ADK: variants seen among roughly 807,000 people sequenced by gnomAD.
ADK encodes N6,N6-dimethyladenosine kinase.
A neutral mutation model predicts 44.7 loss-of-function variants in ADK; 24 were observed. The observed-to-expected ratio is 0.54, with a 90% CI of 0.39 to 0.76. The LOEUF is 0.76. ADK is among the 30% of genes least tolerant of loss of function. The pLI is 0.00. For synonymous variants in ADK, 128 were observed against 142.6 expected, an observed-to-expected ratio of 0.90 and a Z score of 0.73; for missense variants, 321 against 425.1, an observed-to-expected ratio of 0.76 and a Z score of 2.15.
At chr10:74,601,354 A>G (rs971177542) in intron 9 of ADK, among the ~76,000 whole-genome samples, 1 of 152,182 alleles carries the variant, frequency 6.6e-6, no homozygotes, top group Non-Finnish European at 1.5e-5. Context: ...TAGGCCAAAG[A>G]TGAAATTACT....
At chr10:74,520,448 A>G (rs1260329191) in intron 6 of ADK, among the ~76,000 whole-genome samples, 1 of 152,012 alleles carries the variant, frequency 6.6e-6, no homozygotes, top group African/African-American at 2.4e-5. Flanking sequence ...TGAAATTTAC[A>G]TAGTTGTGTA....
chr10:74,365,437 T>C (rs1253863936), intron 4 of ADK, among the ~76,000 whole-genome samples: 1 of 152,242 alleles, frequency 6.6e-6, no homozygotes, highest in Non-Finnish European at 1.5e-5. Flanking sequence ...GCATCCCATT[T>C]TGTTGCATAT....
intron 7 of ADK, among the ~76,000 whole-genome samples, chr10:74,586,241 A>G (rs1851521381): frequency 6.6e-6 from 1 of 152,228 alleles, no homozygotes; most frequent in African/African-American, 2.4e-5. Flanking sequence ...TTGGGGCACC[A>G]GTCCAAGATC....
At chr10:74,395,220 T>A (rs370930222) in intron 5 of ADK, among the ~76,000 whole-genome samples, 4 of 152,090 alleles carry the variant, frequency 2.6e-5, no homozygotes, top group African/African-American at 9.7e-5. Flanking sequence ...CATCTTCTCT[T>A]CCTTTCTTTT....
intron 10 of ADK, among the ~76,000 whole-genome samples, chr10:74,682,968 TC>T (rs1300148621): frequency 6.6e-6 from 1 of 152,240 alleles, no homozygotes; most frequent in Non-Finnish European, 1.5e-5. Context: ...TTTATTATTT[TC>T]CCTGAAAAAT....
chr10:74,219,521 A>G (rs1227415543), intron 2 of ADK, among the ~76,000 whole-genome samples: 1 of 152,224 alleles, frequency 6.6e-6, no homozygotes, highest in African/African-American at 2.4e-5. Context: ...AAGCAGACCT[A>G]ATAGACATCT....
intron 2 of ADK, among the ~76,000 whole-genome samples, chr10:74,222,653 C>T (rs916671355): frequency 1.7e-4 from 26 of 152,196 alleles, no homozygotes; most frequent in African/African-American, 6.3e-4. Flanking sequence ...AAATGTGGCA[C>T]ATATACACTA....
intron 4 of ADK, among the ~76,000 whole-genome samples, chr10:74,325,661 C>T (rs1243243675): frequency 6.6e-6 from 1 of 152,046 alleles, no homozygotes; most frequent in Non-Finnish European, 1.5e-5. Flanking sequence ...TCCTTCTATA[C>T]CCAATTTGTT....
Position 74,445,691 on chromosome 10 carries a change from T to C in ADK, c.555+47112T>C, listed in dbSNP as rs1845567600. On this transcript the variant is annotated intron_variant, in intron 6 of 10. Coordinates refer to ENST00000539909, the MANE Select transcript of ADK (RefSeq NM_006721.4). ...TCAACCTCTGATCTGCACTGAGGCA[T>C]TTAACCTCTCTTAACCTTGGCTTCC... is the stretch of plus-strand genomic sequence containing the variant. 3.3e-5 allele frequency among the ~76,000 whole-genome samples: 5 copies of C among 152,152 alleles called. No individual in the cohort carries two copies. The South Asian group carries it at 1.0e-3, about 32-fold the overall frequency.
At chr10:74,645,096 A>G (rs1854008706) in intron 9 of ADK, among the ~76,000 whole-genome samples, 1 of 152,152 alleles carries the variant, frequency 6.6e-6, no homozygotes, top group African/African-American at 2.4e-5. Flanking sequence ...TTGTTTCAAA[A>G]TTGTATTCTT....
intron 8 of ADK, among the ~76,000 whole-genome samples, chr10:74,594,742 A>G (rs1385198922): frequency 6.6e-6 from 1 of 152,176 alleles, no homozygotes; most frequent in Admixed American, 6.5e-5. Context: ...CAATGACAAT[A>G]AAACCATATT....
intron 7 of ADK, among the ~76,000 whole-genome samples, chr10:74,572,421 C>G (rs1301948701): frequency 1.3e-5 from 2 of 152,200 alleles, no homozygotes; most frequent in Non-Finnish European, 2.9e-5. Context: ...ACCTTTCTCT[C>G]TGGCTGCCCT....
chr10:74,318,816 G>A (rs1289024217), intron 4 of ADK, among the ~76,000 whole-genome samples: 1 of 152,164 alleles, frequency 6.6e-6, no homozygotes, highest in Non-Finnish European at 1.5e-5. Flanking sequence ...TATTTTTATA[G>A]AACTATAAAC....
intron 3 of ADK, among the ~76,000 whole-genome samples, chr10:74,268,717 A>C (rs114750844): frequency 1.3e-5 from 2 of 152,358 alleles, no homozygotes; most frequent in African/African-American, 4.8e-5. Context: ...TTTTCAGATT[A>C]TCAGTTTGAT....
chr10:74,200,915 T>A (rs1843355264), intron 2 of ADK, 77 bp downstream of exon 2: 1 of 989,612 alleles, frequency 1.0e-6, no homozygotes, highest in South Asian at 1.4e-5. Context: ...TAGAAGTGAA[T>A]TTACCACCGA....
chr10:74,306,184 T>C (rs1187547157), intron 3 of ADK, among the ~76,000 whole-genome samples: 1 of 152,136 alleles, frequency 6.6e-6, no homozygotes, highest in Non-Finnish European at 1.5e-5. Flanking sequence ...AAAATTTTTA[T>C]TGATTTATTT....
At chr10:74,623,328 T>G (rs370828849) in intron 9 of ADK, among the ~76,000 whole-genome samples, 1 of 152,280 alleles carries the variant, frequency 6.6e-6, no homozygotes, top group African/African-American at 2.4e-5. Context: ...TCCCTCAAAA[T>G]TTATATATTT....
intron 10 of ADK, 27 bp from the exon 11 acceptor site, chr10:74,708,294 A>G: frequency 6.2e-7 from 1 of 1,605,392 alleles, no homozygotes; most frequent in Non-Finnish European, 8.5e-7. Flanking sequence ...TACAATACTC[A>G]TGTGTTTTTT....
chr10:74,178,197 C>G (rs1406364302), intron 1 of ADK, among the ~76,000 whole-genome samples: 1 of 152,072 alleles, frequency 6.6e-6, no homozygotes, highest in Non-Finnish European at 1.5e-5. Flanking sequence ...CTGCCTTAGC[C>G]TCCCAAAGTG....
Sources: allele counts gnomAD v4.1 joint callset (sites outside exome capture counted in the v4.1 genomes callset), GRCh38; gene constraint gnomAD v4.1.1; transcripts MANE v1.5; gene names NCBI Gene and HGNC (gene_info 2026-07-23, HGNC 2026-07-21).